Variants in EBF1 observed in about 807,000 individuals in gnomAD.
EBF1 encodes the protein EBF transcription factor 1, also known as transcription factor COE1.
In EBF1, 10 loss-of-function variants were observed where a neutral mutation model predicts 68.4. The ratio of observed to expected loss-of-function variants is 0.15; its 90% CI spans 0.09 to 0.25. The LOEUF (loss-of-function observed/expected upper bound fraction) is 0.25. Among genes scored for constraint, EBF1 ranks in the 10% least tolerant of loss-of-function variants. EBF1 has a pLI of 1.00. For synonymous variants in EBF1, 298 were observed against 299.8 expected, an observed-to-expected ratio of 0.99 and a Z score of 0.06; for missense variants, 509 against 794.4, an observed-to-expected ratio of 0.64 and a Z score of 4.32.
intron 6 of EBF1, among the ~76,000 whole-genome samples, chr5:158,894,240 C>G (rs540228679): frequency 1.3e-3 from 203 of 152,056 alleles, no homozygotes; most frequent in African/African-American, 4.2e-3. Context: ...ATTTCTGATA[C>G]CAAAATTTAA....
intron 10 of EBF1, among the ~76,000 whole-genome samples, chr5:158,776,199 A>G (rs926645426): frequency 6.6e-6 from 1 of 152,008 alleles, no homozygotes; most frequent in Non-Finnish European, 1.5e-5. Flanking sequence ...CAATCCTATA[A>G]TTTTCAGTTA....
chr5:158,765,639 GC>G (rs1406703745), intron 10 of EBF1, among the ~76,000 whole-genome samples: 1 of 152,108 alleles, frequency 6.6e-6, no homozygotes, highest in East Asian at 1.9e-4. Flanking sequence ...AGGTTGAACA[GC>G]AGTGGGTATG....
chr5:158,962,778 G>A (rs936333708), intron 6 of EBF1, among the ~76,000 whole-genome samples: 2 of 152,112 alleles, frequency 1.3e-5, no homozygotes, highest in Non-Finnish European at 2.9e-5. Flanking sequence ...ATAGGACTTC[G>A]AGCCATCTCT....
At chr5:159,030,708 G>A (rs13175308) in intron 6 of EBF1, among the ~76,000 whole-genome samples, 11,606 of 152,224 alleles carry the variant, frequency 0.076, 472 homozygotes, top group Middle Eastern at 0.12. Context: ...ACACTCCTGA[G>A]CACATTAAAG....
At chr5:159,036,221 A>T (rs74793842) in intron 6 of EBF1, among the ~76,000 whole-genome samples, 6,561 of 152,272 alleles carry the variant, frequency 0.043, 632 homozygotes, top group East Asian at 0.38. Context: ...GCTTCTGATA[A>T]GAAGATCAGC....
At chr5:158,893,198 T>C (rs980858201) in intron 6 of EBF1, among the ~76,000 whole-genome samples, 1 of 152,222 alleles carries the variant, frequency 6.6e-6, no homozygotes, top group Admixed American at 6.5e-5. Context: ...TGCTCAACCA[T>C]CAGTTCCAAA....
chr5:159,039,029 G>A (rs538627914), intron 6 of EBF1, among the ~76,000 whole-genome samples: 1 of 152,252 alleles, frequency 6.6e-6, no homozygotes, highest in East Asian at 1.9e-4. Context: ...GAATTTAACA[G>A]CCAAAAGAGT....
chr5:158,806,771 G>T (rs1781666011), intron 8 of EBF1, among the ~76,000 whole-genome samples: 1 of 152,092 alleles, frequency 6.6e-6, no homozygotes, highest in Non-Finnish European at 1.5e-5. Flanking sequence ...GATGCCCCTA[G>T]GTGATGAAGC....
At chr5:158,891,118 A>G (rs78852537) in intron 6 of EBF1, among the ~76,000 whole-genome samples, 1 of 152,208 alleles carries the variant, frequency 6.6e-6, no homozygotes, top group Non-Finnish European at 1.5e-5. Flanking sequence ...CCCACGGTAC[A>G]TAATTTAGTT....
At chr5:158,997,126 T>G (rs1761574891) in intron 6 of EBF1, among the ~76,000 whole-genome samples, 1 of 152,100 alleles carries the variant, frequency 6.6e-6, no homozygotes, top group Admixed American at 6.5e-5. Flanking sequence ...GGTGCACACA[T>G]GAGTACACCC....
intron 6 of EBF1, among the ~76,000 whole-genome samples, chr5:158,970,019 C>A (rs1274230030): frequency 6.6e-6 from 1 of 151,998 alleles, no homozygotes; most frequent in East Asian, 1.9e-4. Context: ...TTTTTAGGCA[C>A]ATGAAAAATG....
chr5:158,757,908 T>A (rs968076272), intron 10 of EBF1, among the ~76,000 whole-genome samples: 5 of 152,146 alleles, frequency 3.3e-5, no homozygotes, highest in Non-Finnish European at 5.9e-5. Flanking sequence ...TTTTTGAGCA[T>A]CTTCTAGACA....
intron 6 of EBF1, among the ~76,000 whole-genome samples, chr5:159,053,854 T>C (rs1774268646): frequency 6.6e-6 from 1 of 152,246 alleles, no homozygotes; most frequent in Admixed American, 6.5e-5. Context: ...ACCCATTGTA[T>C]ATTTGCTCCT....
chr5:158,754,708 C>T (rs1212618081), intron 10 of EBF1, among the ~76,000 whole-genome samples: 1 of 151,990 alleles, frequency 6.6e-6, no homozygotes, highest in Non-Finnish European at 1.5e-5. Flanking sequence ...AAAGTATTAG[C>T]AAATACTACA....
intron 6 of EBF1, among the ~76,000 whole-genome samples, chr5:159,050,429 A>T (rs920713618): frequency 4.6e-5 from 7 of 152,040 alleles, no homozygotes; most frequent in African/African-American, 1.7e-4. Context: ...CTACAAGAGG[A>T]GACAACAATA....
intron 11 of EBF1, among the ~76,000 whole-genome samples, chr5:158,717,182 G>T (rs921324247): frequency 4.6e-5 from 7 of 152,184 alleles, no homozygotes; most frequent in South Asian, 4.1e-4. Flanking sequence ...TATAAAAGAT[G>T]TATGCCTTTT....
intron 8 of EBF1, among the ~76,000 whole-genome samples, chr5:158,809,074 TC>T (rs754440690): frequency 4.1e-4 from 62 of 152,116 alleles, no homozygotes; most frequent in Admixed American, 9.2e-4. Flanking sequence ...CATAGGCAAA[TC>T]ACCCCAACTA....
At chr5:158,985,305 T>C (rs1386372495) in intron 6 of EBF1, among the ~76,000 whole-genome samples, 1 of 152,194 alleles carries the variant, frequency 6.6e-6, no homozygotes. Flanking sequence ...CCACTGAACA[T>C]CACCTATCTT....
chr5:158,995,551 C>T (rs1271382338), intron 6 of EBF1, among the ~76,000 whole-genome samples: 1 of 152,150 alleles, frequency 6.6e-6, no homozygotes, highest in Non-Finnish European at 1.5e-5. Flanking sequence ...TGACACCCCT[C>T]AGTGTGGTGT....
Sources: allele counts gnomAD v4.1 joint callset (sites outside exome capture counted in the v4.1 genomes callset), GRCh38; gene constraint gnomAD v4.1.1; transcripts MANE v1.5; gene names NCBI Gene and HGNC (gene_info 2026-07-23, HGNC 2026-07-21).